MED12L: variants seen among roughly 807,000 people sequenced by gnomAD.
MED12L encodes mediator of RNA polymerase II transcription subunit 12-like protein.
In MED12L, 60 loss-of-function variants were observed where a neutral mutation model predicts 281.3. The observed-to-expected ratio is 0.21, with a 90% CI of 0.17 to 0.26. The LOEUF (loss-of-function observed/expected upper bound fraction) is 0.26. Among genes scored for constraint, MED12L ranks in the 10% least tolerant of loss-of-function variants. The probability of loss-of-function intolerance (pLI) is 1.00; values close to 1 mark genes in which losing one functional copy is unlikely to be tolerated. For missense variants in MED12L, 2,146 were observed against 2,680.9 expected, an observed-to-expected ratio of 0.80 and a Z score of 4.41; for synonymous variants, 974 against 987.2, an observed-to-expected ratio of 0.99 and a Z score of 0.25.
chr3:151,282,431 G>C (rs1577225329), intron 16 of MED12L, among the ~76,000 whole-genome samples: 1 of 151,906 alleles, frequency 6.6e-6, no homozygotes, highest in East Asian at 1.9e-4. Flanking sequence ...GTATGTGTTG[G>C]GGGGCATGGC....
intron 16 of MED12L, among the ~76,000 whole-genome samples, chr3:151,211,953 C>T (rs1017446284): frequency 1.6e-4 from 25 of 152,236 alleles, no homozygotes; most frequent in African/African-American, 6.0e-4. Flanking sequence ...ATCTGGAGTA[C>T]TTCTTCTGAA....
intron 16 of MED12L, chr3:151,241,842 A>AC (rs1322728221): frequency 2.6e-5 from 4 of 154,508 alleles, no homozygotes; most frequent in African/African-American, 9.7e-5. Flanking sequence ...GACGCAGAAG[A>AC]CGGTGATTTC....
At chr3:151,423,804 C>G (rs1245653493) in intron 43 of MED12L, among the ~76,000 whole-genome samples, 1 of 152,140 alleles carries the variant, frequency 6.6e-6, no homozygotes, top group Admixed American at 6.5e-5. Context: ...TGCATCATTT[C>G]CTTTCATCTT....
intron 2 of MED12L, among the ~76,000 whole-genome samples, chr3:151,110,287 C>T (rs116041081): frequency 6.6e-6 from 1 of 152,290 alleles, no homozygotes; most frequent in African/African-American, 2.4e-5. Flanking sequence ...TCAGGTGACA[C>T]GCATTACCTC....
At chr3:151,178,458 G>C (rs967183598) in intron 11 of MED12L, among the ~76,000 whole-genome samples, 1 of 152,192 alleles carries the variant, frequency 6.6e-6, no homozygotes, top group Non-Finnish European at 1.5e-5. Context: ...GAGGAGGGTG[G>C]AGTCAGGAGA....
At chr3:151,414,421 G>A (rs922586047) in intron 42 of MED12L, among the ~76,000 whole-genome samples, 1 of 152,200 alleles carries the variant, frequency 6.6e-6, no homozygotes, top group Non-Finnish European at 1.5e-5. Flanking sequence ...TCGGTATGAG[G>A]TCAGTGAGAA....
chr3:151,317,613 G>A (rs1407844423), intron 16 of MED12L, among the ~76,000 whole-genome samples: 1 of 151,268 alleles, frequency 6.6e-6, no homozygotes. Flanking sequence ...ACTACACCCG[G>A]CTAATTTTTT....
intron 16 of MED12L, among the ~76,000 whole-genome samples, chr3:151,251,196 C>G (rs1435174990): frequency 6.6e-6 from 1 of 152,194 alleles, no homozygotes; most frequent in Admixed American, 6.5e-5. Flanking sequence ...GCCAGCATCT[C>G]TCACCACCTT....
At chr3:151,094,576 GA>G (rs1180266373) in intron 2 of MED12L, among the ~76,000 whole-genome samples, 5 of 152,162 alleles carry the variant, frequency 3.3e-5, no homozygotes, top group East Asian at 1.9e-4. Context: ...GGTGACAAGG[GA>G]GTTCATGATA....
chr3:151,338,404 T>A (rs2149933232), intron 16 of MED12L: 3 of 1,614,150 alleles, frequency 1.9e-6, no homozygotes, highest in Non-Finnish European at 2.5e-6. Flanking sequence ...AATGCCCAGA[T>A]GACAACAGAG....
At chr3:151,098,845 C>T (rs147120541) in intron 2 of MED12L, among the ~76,000 whole-genome samples, 406 of 152,216 alleles carry the variant, frequency 2.7e-3, no homozygotes, top group Middle Eastern at 0.014. Context: ...GCTGATAAAA[C>T]GACATACCTG....
intron 43 of MED12L, among the ~76,000 whole-genome samples, chr3:151,417,487 C>CCT (rs1717736742): frequency 1.9e-3 from 149 of 78,812 alleles, no homozygotes; most frequent in South Asian, 3.5e-3. Flanking sequence ...CCCCCCCCGC[C>CCT]TTTTTTTTTT....
chr3:151,214,921 G>T (rs923709055), intron 16 of MED12L, among the ~76,000 whole-genome samples: 2 of 152,130 alleles, frequency 1.3e-5, no homozygotes, highest in African/African-American at 4.8e-5. Context: ...TTTCCTAAAA[G>T]AGAAATTTTT....
chr3:151,432,918 ACTATATTTTAT>A lies in MED12L; in HGVS notation c.*115_*125del. On this transcript the variant is annotated 3_prime_UTR_variant, in exon 45 of 45. Transcript: ENST00000687756. ...CTTTTTTTCATTTCTTTGACATTTT[ACTATATTTTAT>A]GCTACATCTCACAAAAAAAAAAAAA... The A allele has an allele frequency of 1.3e-6, 1 of 779,816 alleles. No homozygotes were observed. The highest frequency in any genetic ancestry group is 2.0e-6 in the Non-Finnish European group (1 of 501,652). 48.3% of individuals were successfully genotyped at this position (779,816 alleles called of 1,614,324 possible).
intron 5 of MED12L, among the ~76,000 whole-genome samples, chr3:151,145,738 C>G (rs1717673027): frequency 6.6e-6 from 1 of 152,198 alleles, no homozygotes; most frequent in African/African-American, 2.4e-5. Flanking sequence ...ACAAACTGAA[C>G]CCAGCCCTGC....
chr3:151,322,013 A>T lies in MED12L; in HGVS notation c.2251-28046A>T, dbSNP rs113004435. ...TATTGATACACCCAGTTTCTGACCAAGGCTGAGTTCTCTGGCCTGTGTGGT... is the reference window on the plus strand; with the variant it reads ...TATTGATACACCCAGTTTCTGACCATGGCTGAGTTCTCTGGCCTGTGTGGT... On this transcript the variant is annotated intron_variant, in intron 16 of 44. Coordinates refer to ENST00000687756, the MANE Select transcript of MED12L (RefSeq NM_001393769.1). Among the ~76,000 whole-genome samples the T allele has an allele frequency of 6.8e-3, 1,036 of 152,326 alleles. 10 individuals are homozygous for T. The highest frequency in any genetic ancestry group is 0.024 in the South Asian group (114 of 4,826).
intron 16 of MED12L, chr3:151,337,735 G>A (rs1405123425): frequency 1.2e-5 from 17 of 1,379,524 alleles, no homozygotes; most frequent in Admixed American, 3.7e-5. Context: ...TTGCTTCTTC[G>A]TCAGTTAATA....
intron 43 of MED12L, among the ~76,000 whole-genome samples, chr3:151,428,799 C>T (rs1719141497): frequency 6.6e-6 from 1 of 152,118 alleles, no homozygotes; most frequent in South Asian, 2.1e-4. Flanking sequence ...AGTGTATATC[C>T]CAAATACTGC....
intron 44 of MED12L, 158 bp from the exon 45 acceptor site, chr3:151,432,594 T>TCCCA: frequency 1.8e-6 from 1 of 559,764 alleles, no homozygotes; most frequent in Non-Finnish European, 3.2e-6. Context: ...GGTACTTGAA[T>TCCCA]CCCACCACAA....
Sources: allele counts gnomAD v4.1 joint callset (sites outside exome capture counted in the v4.1 genomes callset), GRCh38; gene constraint gnomAD v4.1.1; transcripts MANE v1.5; gene names NCBI Gene and HGNC (gene_info 2026-07-23, HGNC 2026-07-21).